Variants in HPSE2 observed in about 807,000 individuals in gnomAD.
HPSE2 encodes the protein heparanase 2 (inactive).
HPSE2 carries 38 observed loss-of-function variants against 60.5 expected under a neutral mutation model. The ratio of observed to expected loss-of-function variants is 0.63; its 90% CI spans 0.48 to 0.82. The LOEUF (loss-of-function observed/expected upper bound fraction) is 0.82, where lower values mean the gene tolerates loss of function less well. HPSE2 is among the 40% of genes least tolerant of loss of function. HPSE2 has a pLI of 0.00. For missense variants in HPSE2, 713 were observed against 740.4 expected (o/e 0.96, Z 0.43); for synonymous variants, 295 against 293.2 (o/e 1.01, Z -0.06).
chr10:98,485,500 T>C (rs1941408241), intron 10 of HPSE2, among the ~76,000 whole-genome samples: 1 of 152,350 alleles, frequency 6.6e-6, no homozygotes, highest in Admixed American at 6.5e-5. Context: ...CTTTTGTAGC[T>C]AAATGAGTTA....
chr10:98,708,785 G>C (rs1420396580), intron 5 of HPSE2, among the ~76,000 whole-genome samples: 2 of 152,120 alleles, frequency 1.3e-5, no homozygotes, highest in Non-Finnish European at 2.9e-5. Flanking sequence ...TCTCTTTTTA[G>C]AAAGACCTCA....
intron 3 of HPSE2, among the ~76,000 whole-genome samples, chr10:99,019,388 GA>G (rs1450226522): frequency 6.6e-6 from 1 of 152,150 alleles, no homozygotes; most frequent in Non-Finnish European, 1.5e-5. Context: ...TTCTCCTGCA[GA>G]ATTCTTTAGT....
intron 11 of HPSE2, among the ~76,000 whole-genome samples, chr10:98,479,311 C>T (rs1412320813): frequency 4.6e-5 from 7 of 152,220 alleles, no homozygotes; most frequent in African/African-American, 1.7e-4. Context: ...TTTCTATCCC[C>T]TTCTGAGCTA....
At chr10:98,474,124 A>G (rs1211613753) in intron 11 of HPSE2, among the ~76,000 whole-genome samples, 1 of 152,156 alleles carries the variant, frequency 6.6e-6, no homozygotes, top group African/African-American at 2.4e-5. Flanking sequence ...GTGTAGAACT[A>G]AAATACTTAG....
chr10:98,943,386 T>C (rs1436932823), intron 3 of HPSE2, among the ~76,000 whole-genome samples: 2 of 152,104 alleles, frequency 1.3e-5, no homozygotes, highest in Non-Finnish European at 2.9e-5. Flanking sequence ...ATATATTACC[T>C]ATTAAAATAG....
At chr10:98,732,130 A>T (rs1949243431) in intron 4 of HPSE2, among the ~76,000 whole-genome samples, 1 of 152,170 alleles carries the variant, frequency 6.6e-6, no homozygotes, top group African/African-American at 2.4e-5. Context: ...TTGCTGAGAT[A>T]AATTAAAAAT....
intron 3 of HPSE2, among the ~76,000 whole-genome samples, chr10:98,996,209 T>C (rs1257550827): frequency 6.6e-6 from 1 of 152,186 alleles, no homozygotes; most frequent in Non-Finnish European, 1.5e-5. Flanking sequence ...TAATATAAAA[T>C]GTTAATATTA....
At chr10:98,891,485 G>A (rs947550638) in intron 3 of HPSE2, among the ~76,000 whole-genome samples, 13 of 152,116 alleles carry the variant, frequency 8.5e-5, no homozygotes, top group Admixed American at 2.0e-4. Context: ...ATCTCTCTGT[G>A]TGACCCAGGC....
At chr10:99,045,270 T>G (rs545381577) in intron 3 of HPSE2, among the ~76,000 whole-genome samples, 1 of 152,226 alleles carries the variant, frequency 6.6e-6, no homozygotes, top group South Asian at 2.1e-4. Flanking sequence ...GTGTAAGCAC[T>G]GAAATTAAGG....
the HPSE2 span, among the ~76,000 whole-genome samples, chr10:99,285,779 G>T: frequency 6.6e-6 from 1 of 152,052 alleles, no homozygotes; most frequent in East Asian, 1.9e-4. Context: ...ACAAAAATTA[G>T]CCAGGTATGG....
intron 3 of HPSE2, among the ~76,000 whole-genome samples, chr10:98,879,024 A>C (rs1256611629): frequency 6.6e-6 from 1 of 152,030 alleles, no homozygotes; most frequent in Non-Finnish European, 1.5e-5. Context: ...TTTATCAAAG[A>C]GATAATTCTA....
intron 3 of HPSE2, among the ~76,000 whole-genome samples, chr10:98,876,121 C>T (rs1952870738): frequency 6.6e-6 from 1 of 151,574 alleles, no homozygotes; most frequent in Non-Finnish European, 1.5e-5. Flanking sequence ...GTATGAAGCA[C>T]TAGAAAATAT....
intron 3 of HPSE2, among the ~76,000 whole-genome samples, chr10:98,807,116 C>T (rs1589858614): frequency 6.6e-6 from 1 of 152,128 alleles, no homozygotes; most frequent in Non-Finnish European, 1.5e-5. Flanking sequence ...GCACTCCAGC[C>T]TGGGCAACAG....
At chr10:99,109,316 G>A (rs926088177) in intron 3 of HPSE2, among the ~76,000 whole-genome samples, 3 of 151,982 alleles carry the variant, frequency 2.0e-5, no homozygotes, top group African/African-American at 7.3e-5. Flanking sequence ...ATGTATCAGG[G>A]TAAAACTTGA....
intron 2 of HPSE2, among the ~76,000 whole-genome samples, chr10:99,171,794 T>G (rs180859245): frequency 6.6e-6 from 1 of 152,246 alleles, no homozygotes; most frequent in East Asian, 1.9e-4. Context: ...ATGGCATCAA[T>G]AGCCTTTGCC....
At chr10:98,498,520 C>T (rs561085238) in intron 9 of HPSE2, among the ~76,000 whole-genome samples, 490 of 152,280 alleles carry the variant, frequency 3.2e-3, no homozygotes, top group Non-Finnish European at 5.7e-3. Flanking sequence ...GACCTTCCTT[C>T]CCTCTGACAG....
intron 3 of HPSE2, chr10:99,047,833 C>A: frequency 1.3e-6 from 1 of 798,334 alleles, no homozygotes; most frequent in Non-Finnish European, 2.2e-6. Flanking sequence ...GGCAGATGTA[C>A]AGAACTGAAA....
At chr10:99,162,130 A>G (rs1418572004) in intron 2 of HPSE2, among the ~76,000 whole-genome samples, 1 of 152,222 alleles carries the variant, frequency 6.6e-6, no homozygotes, top group African/African-American at 2.4e-5. Context: ...ACAACTATCA[A>G]TGTACTTAAT....
At chr10:99,104,015 T>C (rs1180400103) in intron 3 of HPSE2, among the ~76,000 whole-genome samples, 1 of 152,174 alleles carries the variant, frequency 6.6e-6, no homozygotes, top group Non-Finnish European at 1.5e-5. Context: ...ATGTTAGACC[T>C]AAAACCATAA....
Sources: gnomAD v4.1 joint callset for allele counts (sites outside exome capture counted in the v4.1 genomes callset) on GRCh38, gnomAD v4.1.1 for gene constraint, MANE v1.5 for transcripts, NCBI Gene and HGNC (gene_info 2026-07-23, HGNC 2026-07-21) for gene names.